TACC2: variants seen among roughly 807,000 people sequenced by gnomAD.
TACC2 encodes the protein transforming acidic coiled-coil-containing protein 2.
In TACC2, 137 loss-of-function variants were observed where a neutral mutation model predicts 227.3. The observed-to-expected ratio is 0.60, with a 90% CI of 0.52 to 0.69. The LOEUF (loss-of-function observed/expected upper bound fraction) is 0.69, where lower values mean the gene tolerates loss of function less well. TACC2 is among the 30% of genes least tolerant of loss of function. The pLI, the probability that TACC2 is intolerant of heterozygous loss-of-function variation, is 0.00. For missense variants in TACC2, 3,470 were observed against 3,694.4 expected (o/e 0.94, Z 1.57); for synonymous variants, 1,523 against 1,487.5 (o/e 1.02, Z -0.55).
chr10:122,081,527 C>CAAAA (rs374512156), intron 3 of TACC2, among the ~76,000 whole-genome samples: 25 of 109,528 alleles, frequency 2.3e-4, no homozygotes, highest in African/African-American at 9.6e-4. Flanking sequence ...GACTCCGTCT[C>CAAAA]AAAAAAAAAA....
intron 12 of TACC2, 130 bp downstream of exon 12, chr10:122,224,917 G>T: frequency 1.3e-6 from 1 of 741,778 alleles, no homozygotes; most frequent in Non-Finnish European, 2.3e-6. Flanking sequence ...AGCTTCCCGG[G>T]TGCACAGCAG....
At chr10:121,992,629 G>C (rs1953072800) in intron 1 of TACC2, among the ~76,000 whole-genome samples, 2 of 152,278 alleles carry the variant, frequency 1.3e-5, no homozygotes, top group South Asian at 4.1e-4. Context: ...AGTGCTTAGT[G>C]CTTGGGCAAT....
intron 7 of TACC2, among the ~76,000 whole-genome samples, chr10:122,157,074 C>T (rs576296282): frequency 4.6e-5 from 7 of 152,252 alleles, no homozygotes; most frequent in Admixed American, 6.5e-5. Context: ...ATTGTGCCAT[C>T]GCTCTCCAGC....
chr10:122,001,862 A>G (rs1954401982), intron 1 of TACC2, among the ~76,000 whole-genome samples: 1 of 152,080 alleles, frequency 6.6e-6, no homozygotes. Context: ...TTTTCCAGTA[A>G]ATTATTTATG....
intron 22 of TACC2, among the ~76,000 whole-genome samples, chr10:122,250,991 C>T (rs1308263777): frequency 7.4e-6 from 1 of 134,274 alleles, no homozygotes; most frequent in Non-Finnish European, 1.5e-5. Context: ...GCAGTCATGG[C>T]TCACTGCAGC....
intron 7 of TACC2, among the ~76,000 whole-genome samples, chr10:122,155,743 T>G (rs941455954): frequency 6.6e-6 from 1 of 152,092 alleles, no homozygotes; most frequent in African/African-American, 2.4e-5. Flanking sequence ...GAAGGACATC[T>G]GGGTTATCCG....
chr10:122,242,857 C>T (rs1269955299), intron 19 of TACC2, among the ~76,000 whole-genome samples: 1 of 152,128 alleles, frequency 6.6e-6, no homozygotes, highest in Non-Finnish European at 1.5e-5. Context: ...TGGTCTCAAA[C>T]TTCTGGGGTT....
intron 7 of TACC2, among the ~76,000 whole-genome samples, chr10:122,165,409 G>A (rs1027718003): frequency 1.3e-5 from 2 of 152,168 alleles, no homozygotes; most frequent in African/African-American, 2.4e-5. Flanking sequence ...GTACGTTTGG[G>A]AAAATGTGCT....
chr10:122,112,794 C>T (rs2083849739), intron 5 of TACC2, among the ~76,000 whole-genome samples: 1 of 152,190 alleles, frequency 6.6e-6, no homozygotes, highest in African/African-American at 2.4e-5. Context: ...GAGCAGCGGC[C>T]GGGCTGTGCG....
intron 7 of TACC2, among the ~76,000 whole-genome samples, chr10:122,184,431 C>T (rs1348778081): frequency 2.6e-5 from 4 of 152,154 alleles, no homozygotes; most frequent in Admixed American, 2.6e-4. Context: ...TCCATGTTGC[C>T]CTGGACAAAA....
At chr10:122,125,862 T>A (rs562523981) in intron 5 of TACC2, among the ~76,000 whole-genome samples, 1 of 146,646 alleles carries the variant, frequency 6.8e-6, no homozygotes, top group African/African-American at 2.5e-5. Flanking sequence ...CTGCAACTTC[T>A]GCCTCCCAGG....
intron 7 of TACC2, among the ~76,000 whole-genome samples, chr10:122,152,552 C>T (rs2092146614): frequency 1.3e-5 from 2 of 152,204 alleles, no homozygotes; most frequent in African/African-American, 4.8e-5. Flanking sequence ...TATTCCATTC[C>T]ATTCCATAAA....
intron 3 of TACC2, among the ~76,000 whole-genome samples, chr10:122,080,282 G>A (rs949717112): frequency 6.7e-6 from 1 of 149,374 alleles, no homozygotes; most frequent in African/African-American, 2.5e-5. Context: ...GCCCAGGCTG[G>A]AGTGCAGTGA....
At chr10:122,167,065 C>G (rs902004807) in intron 7 of TACC2, among the ~76,000 whole-genome samples, 3 of 152,200 alleles carry the variant, frequency 2.0e-5, no homozygotes, top group Non-Finnish European at 4.4e-5. Flanking sequence ...ACCCCCGTTT[C>G]AGGGGTTCCC....
chr10:122,162,471 C>T (rs1281161468), intron 7 of TACC2, among the ~76,000 whole-genome samples: 1 of 152,220 alleles, frequency 6.6e-6, no homozygotes, highest in Non-Finnish European at 1.5e-5. Context: ...CTTCCACTTA[C>T]CCATCAGAGG....
intron 2 of TACC2, among the ~76,000 whole-genome samples, chr10:122,032,615 T>C (rs1053177303): frequency 6.6e-5 from 10 of 152,128 alleles, no homozygotes; most frequent in Non-Finnish European, 1.3e-4. Context: ...TTGTCTCATT[T>C]CTGGGACACC....
chr10:122,246,043 C>T (rs1165100392), intron 19 of TACC2, among the ~76,000 whole-genome samples: 3 of 152,020 alleles, frequency 2.0e-5, no homozygotes, highest in Non-Finnish European at 2.9e-5. Context: ...AGGAGTCCCA[C>T]GATCGCAGAG....
intron 5 of TACC2, among the ~76,000 whole-genome samples, chr10:122,129,060 A>AGTT (rs1555055945): frequency 7.8e-6 from 1 of 128,554 alleles, no homozygotes; most frequent in East Asian, 2.3e-4. Flanking sequence ...ATCTTATTTT[A>AGTT]ATTATTATTA....
chr10:122,136,543 G>GTATATATATATATATA (rs747076679), intron 6 of TACC2, among the ~76,000 whole-genome samples: 166 of 143,220 alleles, frequency 1.2e-3, no homozygotes, highest in East Asian at 3.4e-3. Flanking sequence ...TTGTGTGTGT[G>GTATATATATATATATA]TGTATATATA....
Sources: allele counts gnomAD v4.1 joint callset (sites outside exome capture counted in the v4.1 genomes callset), GRCh38; gene constraint gnomAD v4.1.1; transcripts MANE v1.5; gene names NCBI Gene and HGNC (gene_info 2026-07-23, HGNC 2026-07-21).